The following AHCYL2 variants were observed in gnomAD, a reference collection of about 807,000 sequenced individuals.
The protein encoded by AHCYL2 is adenosylhomocysteinase like 2.
AHCYL2 carries 28 observed loss-of-function variants against 81.4 expected under a neutral mutation model. The ratio of observed to expected loss-of-function variants is 0.34; its 90% confidence interval spans 0.25 to 0.47. The LOEUF is 0.47. AHCYL2 is among the 20% of genes least tolerant of loss of function. The pLI, the probability that AHCYL2 is intolerant of heterozygous loss-of-function variation, is 1.00. For synonymous variants in AHCYL2, 272 were observed against 290.2 expected (o/e 0.94, Z 0.64); for missense variants, 551 against 785.1 (o/e 0.70, Z 3.56).
intron 1 of AHCYL2, among the ~76,000 whole-genome samples, chr7:129,253,067 G>C (rs1172809266): frequency 3.3e-5 from 5 of 152,054 alleles, no homozygotes; most frequent in Non-Finnish European, 7.4e-5. Context: ...AATTAGCCAG[G>C]TGTGGTGGCG....
chr7:129,359,844 G>T (rs1008341151), intron 1 of AHCYL2, among the ~76,000 whole-genome samples: 1 of 152,214 alleles, frequency 6.6e-6, no homozygotes, highest in African/African-American at 2.4e-5. Flanking sequence ...TTAGGGAGTA[G>T]AGAAGGTAGC....
At chr7:129,376,276 A>G (rs967451952) in intron 1 of AHCYL2, among the ~76,000 whole-genome samples, 2 of 152,236 alleles carry the variant, frequency 1.3e-5, no homozygotes, top group Non-Finnish European at 2.9e-5. Context: ...TATTAAGAGG[A>G]GGTAAACACC....
At chr7:129,270,919 A>G (rs1192585642) in intron 1 of AHCYL2, among the ~76,000 whole-genome samples, 4 of 152,212 alleles carry the variant, frequency 2.6e-5, no homozygotes, top group Non-Finnish European at 5.9e-5. Flanking sequence ...TCTGCAGTCC[A>G]GGAAACCCAA....
In AHCYL2 at chr7:129,427,057, T is replaced by A. The variant is rs1347847820; in HGVS notation, c.*12T>A. ...CCTCCAGGTATTAAGTTCCTGTAACTCAAACCAGAATTTTTAAGGAATAGA... is the reference window on the plus strand; with the variant it reads ...CCTCCAGGTATTAAGTTCCTGTAACACAAACCAGAATTTTTAAGGAATAGA... On this transcript the variant is annotated 3_prime_UTR_variant, in exon 17 of 17. Transcript: ENST00000325006. The surrounding 1 kb of genome is among the most constrained non-coding windows in gnomAD (Gnocchi z 5.5). 2 of 1,606,004 alleles carry A rather than the reference T, an allele frequency of 1.2e-6. No homozygotes were observed. The highest frequency in any genetic ancestry group is 8.5e-7 in the Non-Finnish European group (1 of 1,172,774).
intron 1 of AHCYL2, among the ~76,000 whole-genome samples, chr7:129,379,129 A>C (rs1406282696): frequency 6.6e-6 from 1 of 152,070 alleles, no homozygotes; most frequent in Non-Finnish European, 1.5e-5. Context: ...AAAAATATAA[A>C]AATTAGCAGG....
intron 11 of AHCYL2, chr7:129,410,101 G>T (rs201210921): frequency 1.2e-4 from 182 of 1,496,406 alleles, no homozygotes; most frequent in Non-Finnish European, 1.5e-4. Flanking sequence ...TGGCATGCAA[G>T]ATAATCCATC....
intron 1 of AHCYL2, among the ~76,000 whole-genome samples, chr7:129,291,707 G>A (rs894444025): frequency 1.9e-4 from 3 of 15,950 alleles, no homozygotes; most frequent in Admixed American, 1.6e-3. Context: ...GGTTCACGCC[G>A]TTCTTCGCCT....
At chr7:129,380,653 A>T (rs1794913874) in intron 2 of AHCYL2, among the ~76,000 whole-genome samples, 1 of 152,176 alleles carries the variant, frequency 6.6e-6, no homozygotes, top group Non-Finnish European at 1.5e-5. Context: ...CTTTCCCCCC[A>T]CAGTAACAGT....
chr7:129,235,943 C>T (rs112441236), intron 1 of AHCYL2, among the ~76,000 whole-genome samples: 1,639 of 150,736 alleles, frequency 0.011, 38 homozygotes, highest in African/African-American at 0.038. Context: ...TATCTGTATG[C>T]ATTTTTGTGT....
At chr7:129,384,673 A>G (rs186690768) in intron 2 of AHCYL2, among the ~76,000 whole-genome samples, 4 of 152,334 alleles carry the variant, frequency 2.6e-5, no homozygotes, top group Admixed American at 1.3e-4. Context: ...CCTAGTACTA[A>G]GTTTTGCCAT....
chr7:129,377,398 C>G (rs576315788), intron 1 of AHCYL2: 2 of 321,374 alleles, frequency 6.2e-6, no homozygotes, highest in Admixed American at 6.9e-5. Flanking sequence ...TTTGCAAGCC[C>G]TAAAGCACTC....
chr7:129,270,827 G>A (rs1168887284), intron 1 of AHCYL2, among the ~76,000 whole-genome samples: 3 of 152,198 alleles, frequency 2.0e-5, no homozygotes, highest in African/African-American at 7.2e-5. Flanking sequence ...CTCCGTGTGG[G>A]CTTTAGGTGA....
chr7:129,426,594 C>T lies in AHCYL2; in HGVS notation c.1829+31C>T. The T allele has an allele frequency of 6.2e-7, 1 of 1,606,768 alleles. No homozygotes were observed. Among genetic ancestry groups the T allele is most frequent in the Non-Finnish European group, 8.5e-7 (1 of 1,176,644 alleles). ...TTGGGCTCCCCAGAAATCAGGGACA[C>T]CTGGGCAGTGATGAGCTTCCTGCAC... On this transcript the variant is annotated intron_variant, in intron 16 of 16. Transcript: ENST00000325006. The surrounding 1 kb of genome is among the most constrained non-coding windows in gnomAD (Gnocchi z 4.3).
chr7:129,368,187 G>T lies in AHCYL2; in HGVS notation c.364-11451G>T. ...TGGGGAGGTGCGGGTAGAGTGTTTG[G>T]GTAGCATTAAAACAGTGAGTGCCCT... On this transcript the variant is annotated intron_variant, in intron 1 of 16. Coordinates refer to ENST00000325006, the MANE Select transcript of AHCYL2 (RefSeq NM_015328.4). The surrounding 1 kb of genome is among the most constrained non-coding windows in gnomAD (Gnocchi z 4.4). 8.5e-7 allele frequency: 1 copy of T among 1,177,198 alleles called. No individual in the cohort carries two copies. The highest frequency in any genetic ancestry group is 1.1e-6 in the Non-Finnish European group (1 of 949,110). 72.9% of individuals were successfully genotyped at this position (1,177,198 alleles called of 1,614,324 possible).
At position 129,368,628 on chromosome 7, in the gene AHCYL2, A is replaced by T; in HGVS notation, c.364-11010A>T. Reference sequence around the variant, plus strand: ...CAACCATTTCTGACGGGTGACAAGGATCACCTCTGAGAAGCTCCTACCAAG... The same window carrying T: ...CAACCATTTCTGACGGGTGACAAGGTTCACCTCTGAGAAGCTCCTACCAAG... On this transcript the variant is annotated intron_variant, in intron 1 of 16. Transcript: ENST00000325006. This position sits in a 1 kb window ranked among gnomAD's most constrained non-coding sequence, Gnocchi z 4.4. The T allele has an allele frequency of 6.5e-7, 1 of 1,548,080 alleles. No individual in the cohort carries two copies. Among genetic ancestry groups the T allele is most frequent in the Non-Finnish European group, 8.9e-7 (1 of 1,120,454 alleles).
At chr7:129,239,597 G>A (rs1453752704) in intron 1 of AHCYL2, among the ~76,000 whole-genome samples, 1 of 152,054 alleles carries the variant, frequency 6.6e-6, no homozygotes, top group Non-Finnish European at 1.5e-5. Context: ...ACAGGCCCAA[G>A]CCACTGTGCC....
intron 1 of AHCYL2, among the ~76,000 whole-genome samples, chr7:129,281,489 A>ATTTT (rs34422629): frequency 8.8e-4 from 65 of 74,168 alleles, no homozygotes; most frequent in African/African-American, 1.9e-3. Flanking sequence ...CTGTTTCTAG[A>ATTTT]TTTTTTTTTT....
chr7:129,301,335 T>G (rs1797250024), intron 1 of AHCYL2, among the ~76,000 whole-genome samples: 2 of 152,224 alleles, frequency 1.3e-5, no homozygotes, highest in African/African-American at 4.8e-5. Context: ...GTTGGTTGTT[T>G]CCTTTGCTGT....
rs754053736 is a variant in AHCYL2, at chr7:129,405,832, C to T, written c.1143-4C>T. 3 of 1,603,832 alleles carry T rather than the reference C, an allele frequency of 1.9e-6. No homozygotes were observed. The East Asian group carries it at 6.7e-5, about 36-fold the overall frequency. On this transcript the variant is annotated splice_polypyrimidine_tract_variant and splice_region_variant and intron_variant, in intron 8 of 16. Coordinates refer to ENST00000325006, the MANE Select transcript of AHCYL2 (RefSeq NM_015328.4). ...TTCTGATTTAATGTTTTTTTTTCCC[C>T]TAGACTTAAAAGGACAACAGACATG... is the stretch of plus-strand genomic sequence containing the variant.
Sources: allele counts gnomAD v4.1 joint callset (sites outside exome capture counted in the v4.1 genomes callset), GRCh38; gene constraint gnomAD v4.1.1; non-coding constraint Gnocchi (gnomAD v3.1); transcripts MANE v1.5; gene names NCBI Gene and HGNC (gene_info 2026-07-23, HGNC 2026-07-21).